The following ACTL8 variants were observed in gnomAD, a reference collection of about 807,000 sequenced individuals.
The protein encoded by ACTL8 is actin-like protein 8.
Under a neutral mutation model 9.3 loss-of-function variants are expected in ACTL8, and 3 were observed. The observed-to-expected ratio is 0.32, with a 90% CI of 0.15 to 0.83. The LOEUF (loss-of-function observed/expected upper bound fraction) is 0.83. ACTL8 is among the 40% of genes least tolerant of loss of function. The probability of loss-of-function intolerance (pLI) is 0.57; values close to 1 mark genes in which losing one functional copy is unlikely to be tolerated. For synonymous variants in ACTL8, 224 were observed against 205.9 expected (o/e 1.09, Z -0.75); for missense variants, 381 against 492.2 (o/e 0.77, Z 2.14).
chr1:17,825,264 TTTTC>T (rs1318791367), intron 2 of ACTL8, among the ~76,000 whole-genome samples: 1 of 145,662 alleles, frequency 6.9e-6, no homozygotes, highest in Admixed American at 6.7e-5. Context: ...TTCTTTTTTC[TTTTC>T]TTTTCTTTTC....
At chr1:17,769,826 G>A (rs559978798) in intron 1 of ACTL8, among the ~76,000 whole-genome samples, 24 of 152,230 alleles carry the variant, frequency 1.6e-4, no homozygotes, top group Admixed American at 1.4e-3. Context: ...CCAGAAATCT[G>A]AACTATGCTC....
At chr1:17,811,664 A>G (rs2066393442) in intron 1 of ACTL8, among the ~76,000 whole-genome samples, 1 of 152,294 alleles carries the variant, frequency 6.6e-6, no homozygotes, top group East Asian at 1.9e-4. Context: ...AGTCGAGGTT[A>G]TTATTTTTAC....
At chr1:17,821,632 C>T (rs1243119526) in intron 1 of ACTL8, among the ~76,000 whole-genome samples, 1 of 151,390 alleles carries the variant, frequency 6.6e-6, no homozygotes, top group Non-Finnish European at 1.5e-5. Context: ...TGACTATTCC[C>T]TTTTTTTTCT....
At position 17,825,790 on chromosome 1, in the gene ACTL8, C is replaced by G. The variant is rs1179566173; in HGVS notation, c.372C>G (p.Val124=). The G allele has an allele frequency of 6.2e-7, 1 of 1,613,444 alleles. No homozygotes were observed. Among genetic ancestry groups the G allele is most frequent in the African/African-American group, 1.3e-5 (1 of 74,932 alleles). The change falls in exon 3 of 3, where the codon GTC becomes GTG. Residue 124 remains valine, a synonymous_variant. Transcript: ENST00000375406. ...MLEILFELLH[V]PSVLLADQLQ... Reference sequence around the variant, plus strand: ...AGATCCTGTTTGAGTTGCTGCATGTCCCATCGGTCCTCCTGGCCGACCAGC... The same window carrying G: ...AGATCCTGTTTGAGTTGCTGCATGTGCCATCGGTCCTCCTGGCCGACCAGC...
intron 1 of ACTL8, among the ~76,000 whole-genome samples, chr1:17,797,559 C>T (rs1013883975): frequency 6.6e-5 from 10 of 152,156 alleles, no homozygotes; most frequent in Admixed American, 3.9e-4. Flanking sequence ...ACTCTGCAGG[C>T]GGACAGGGCC....
intron 1 of ACTL8, among the ~76,000 whole-genome samples, chr1:17,808,081 G>A (rs538415695): frequency 2.6e-5 from 4 of 152,310 alleles, no homozygotes; most frequent in African/African-American, 9.6e-5. Context: ...ACTTTAAGAG[G>A]TTGTCTAGGA....
At position 17,791,259 on chromosome 1, in the gene ACTL8, A is replaced by C. The variant is rs1388448867; in HGVS notation, c.-24-31726A>C. ...CTCCCGCCAGCTCCACGGAGTGTACAGCCCTGGCCACGCCTCCCTGCTGCA... is the reference window on the plus strand; with the variant it reads ...CTCCCGCCAGCTCCACGGAGTGTACCGCCCTGGCCACGCCTCCCTGCTGCA... On this transcript the variant is annotated intron_variant, in intron 1 of 2. Coordinates refer to ENST00000375406, the MANE Select transcript of ACTL8 (RefSeq NM_030812.3). Among the ~76,000 whole-genome samples the C allele has an allele frequency of 2.0e-5, 3 of 152,166 alleles. No homozygotes were observed. The South Asian group carries it at 6.2e-4, about 31-fold the overall frequency.
In ACTL8 at chr1:17,777,279, G is replaced by A. The variant is rs187289754; in HGVS notation, c.-25+21775G>A. Among the ~76,000 whole-genome samples, 298 of 152,112 alleles carry A rather than the reference G, an allele frequency of 2.0e-3. 1 individual carries two copies. The highest frequency in any genetic ancestry group is 6.8e-3 in the African/African-American group (281 of 41,534). On this transcript the variant is annotated intron_variant, in intron 1 of 2. Transcript: ENST00000375406. ...TCTCCAGGAACATTTTAGCCTCCCC[G>A]GAGCGCCACCTGGTTGTTTACATCG...
intron 1 of ACTL8, among the ~76,000 whole-genome samples, chr1:17,768,368 G>GGGGATTTGACCTTGTGGCGAGGCCTGGCC (rs1553120022): frequency 3.3e-5 from 5 of 152,302 alleles, no homozygotes; most frequent in Non-Finnish European, 2.9e-5. Context: ...CAGGGCTCAT[G>GGGGATTTGACCTTGTGGCGAGGCCTGGCC]TTCAACAGTC....
chr1:17,803,564 C>T (rs926792460), intron 1 of ACTL8, among the ~76,000 whole-genome samples: 16 of 152,214 alleles, frequency 1.1e-4, no homozygotes, highest in Admixed American at 4.6e-4. Flanking sequence ...CTCCTGACCT[C>T]AGGTGATCCA....
intron 1 of ACTL8, among the ~76,000 whole-genome samples, chr1:17,776,728 CACCGGTCCCTAGGGTT>C (rs2066120412): frequency 6.6e-6 from 1 of 152,148 alleles, no homozygotes; most frequent in African/African-American, 2.4e-5. Flanking sequence ...CCGATTCTAG[CACCGGTCCCTAGGGTT>C]ACCTCCTGTT....
chr1:17,803,384 C>T (rs541729325), intron 1 of ACTL8, among the ~76,000 whole-genome samples: 1 of 152,294 alleles, frequency 6.6e-6, no homozygotes, highest in East Asian at 1.9e-4. Flanking sequence ...CTAGAGTGCA[C>T]TAGTGGTGCA....
chr1:17,784,349 TCTC>T (rs1277249007), intron 1 of ACTL8, among the ~76,000 whole-genome samples: 3 of 152,084 alleles, frequency 2.0e-5, no homozygotes, highest in Non-Finnish European at 4.4e-5. Context: ...CCAGGTCCCT[TCTC>T]CAACATTGGG....
At chr1:17,762,677 G>A (rs2066015524) in intron 1 of ACTL8, among the ~76,000 whole-genome samples, 1 of 152,098 alleles carries the variant, frequency 6.6e-6, no homozygotes, top group Admixed American at 6.5e-5. Flanking sequence ...GGAGCCCAGG[G>A]GCTGGCGTTT....
chr1:17,756,270 G>C (rs1346119691), intron 1 of ACTL8, among the ~76,000 whole-genome samples: 6 of 152,092 alleles, frequency 3.9e-5, no homozygotes. Flanking sequence ...AACCTCTAGT[G>C]GGGGACTTAT....
intron 1 of ACTL8, among the ~76,000 whole-genome samples, chr1:17,774,235 C>T (rs1259538331): frequency 2.0e-5 from 3 of 152,140 alleles, no homozygotes; most frequent in African/African-American, 7.2e-5. Context: ...GACGAATAAT[C>T]GCTTCCTGCC....
intron 1 of ACTL8, among the ~76,000 whole-genome samples, chr1:17,822,565 T>C (rs1231257643): frequency 1.3e-5 from 2 of 152,180 alleles, no homozygotes; most frequent in East Asian, 3.9e-4. Context: ...CTGAGGCTGA[T>C]GTTTCATGTT....
chr1:17,814,498 G>A (rs139521027), intron 1 of ACTL8, among the ~76,000 whole-genome samples: 85 of 149,028 alleles, frequency 5.7e-4, no homozygotes, highest in East Asian at 2.0e-3. Flanking sequence ...ACAATAACAC[G>A]CCATACCCGT....
intron 1 of ACTL8, among the ~76,000 whole-genome samples, chr1:17,761,862 C>T (rs140819523): frequency 1.6e-4 from 24 of 152,268 alleles, no homozygotes; most frequent in Middle Eastern, 3.4e-3. Context: ...TGAGCTGCCG[C>T]GCCCGGCCCT....
Sources: gnomAD v4.1 joint callset for allele counts (sites outside exome capture counted in the v4.1 genomes callset) on GRCh38, gnomAD v4.1.1 for gene constraint, MANE v1.5 for transcripts, NCBI Gene and HGNC (gene_info 2026-07-23, HGNC 2026-07-21) for gene names.